The following CAPN6 variants were observed in gnomAD, a reference collection of about 807,000 sequenced individuals.
CAPN6 encodes the protein calpain-6.
In CAPN6, 16 loss-of-function variants were observed where a neutral mutation model predicts 46.0. That is an observed-to-expected ratio of 0.35 (90% CI 0.24 to 0.53). The LOEUF is 0.53. CAPN6 is among the 20% of genes least tolerant of loss of function. The pLI is 0.94. For synonymous variants in CAPN6, 206 were observed against 172.8 expected, an observed-to-expected ratio of 1.19 and a Z score of -1.51; for missense variants, 461 against 498.0, an observed-to-expected ratio of 0.93 and a Z score of 0.71.
At chrX:111,252,047 A>G (rs1011557450) in intron 5 of CAPN6, among the ~76,000 whole-genome samples, 3 of 112,386 alleles carry the variant, frequency 2.7e-5, no homozygotes, top group African/African-American at 9.7e-5. Flanking sequence ...CTAGAAGCAG[A>G]GACAAGAGGA....
chrX:111,267,980 C>G (rs2094993180), intron 1 of CAPN6, among the ~76,000 whole-genome samples: 1 of 112,170 alleles, frequency 8.9e-6, no homozygotes, highest in African/African-American at 3.2e-5. Flanking sequence ...AATACAAATT[C>G]AGCATCCACA....
intron 2 of CAPN6, among the ~76,000 whole-genome samples, chrX:111,259,919 C>T (rs748828888): frequency 4.0e-4 from 44 of 111,106 alleles, no homozygotes; most frequent in Non-Finnish European, 7.4e-4. Context: ...CAGATTTCAG[C>T]CTAAAAATCC....
At chrX:111,253,893 T>C (rs17880284) in intron 3 of CAPN6, among the ~76,000 whole-genome samples, 45 of 112,122 alleles carry the variant, frequency 4.0e-4, no homozygotes, top group Middle Eastern at 9.2e-3. Flanking sequence ...CCTTTTTTGT[T>C]ATTAATATGT....
At chrX:111,268,729 G>T (rs1030796034) in intron 1 of CAPN6, among the ~76,000 whole-genome samples, 1 of 112,496 alleles carries the variant, frequency 8.9e-6, no homozygotes, top group Non-Finnish European at 1.9e-5. Flanking sequence ...TACTTTTCCA[G>T]CCTTTCAAGA....
intron 2 of CAPN6, 82 bp downstream of exon 2, chrX:111,263,690 G>A: frequency 2.3e-6 from 2 of 873,306 alleles, no homozygotes; most frequent in Non-Finnish European, 3.2e-6. Flanking sequence ...CTACACAGTA[G>A]GCTTTGTAAG....
At chrX:111,253,278 T>G in intron 3 of CAPN6, 62 bp from the exon 4 acceptor site, 1 of 904,134 alleles carries the variant, frequency 1.1e-6, no homozygotes, top group Non-Finnish European at 1.6e-6. Flanking sequence ...AAACTGAGAT[T>G]ACAGTTTACT....
At position 111,250,929 on chromosome X, in the gene CAPN6, C is replaced by A; in HGVS notation, c.1146G>T (p.Leu382=). Residue 382 remains leucine, a synonymous_variant, in exon 8 of 13, where the codon CTG becomes CTT. Coordinates refer to ENST00000324068, the MANE Select transcript of CAPN6 (RefSeq NM_014289.4). The stretch of plus-strand genomic sequence containing the variant: ...AATTGACTCAAACCTGGGGATTCTG[C>A]AGGAAGGTATCACGGTTGTTATAGC... ...GGCYNNRDTF[L]QNPQYIFTVP... 8.3e-7 allele frequency: 1 copy of A among 1,209,707 alleles called. No individual in the cohort carries two copies. The highest frequency in any genetic ancestry group is 1.1e-6 in the Non-Finnish European group (1 of 894,378).
intron 2 of CAPN6, among the ~76,000 whole-genome samples, chrX:111,255,810 T>C (rs764674051): frequency 2.6e-4 from 29 of 112,051 alleles, no homozygotes; most frequent in Non-Finnish European, 4.3e-4. Flanking sequence ...CAAAAGGAGA[T>C]GGCTAGATAG....
intron 8 of CAPN6, among the ~76,000 whole-genome samples, chrX:111,249,892 AAGGGAGGGAGGG>A (rs35840656): frequency 2.2e-5 from 2 of 91,199 alleles, no homozygotes; most frequent in Admixed American, 1.2e-4. Flanking sequence ...GGAAGAAAAG[AAGGGAGGGAGGG>A]AGGGAGGGAG....
chrX:111,252,174 T>C, intron 5 of CAPN6, 133 bp downstream of exon 5: 2 of 492,484 alleles, frequency 4.1e-6, no homozygotes, highest in Non-Finnish European at 6.6e-6. Context: ...GGGCAAAATG[T>C]GTATTTTAGC....
Position 111,270,406 on chromosome X carries a change from T to TGCTGCTGCTGCTGCTGCTGCC in CAPN6, c.-72_-52dup. 1.4e-5 allele frequency: 5 copies of TGCTGCTGCTGCTGCTGCTGCC among 351,417 alleles called. 1 individual carries two copies. Among genetic ancestry groups the TGCTGCTGCTGCTGCTGCTGCC allele is most frequent in the South Asian group, 5.2e-5 (2 of 38,694 alleles). 29.0% of individuals were successfully genotyped at this position (351,417 alleles called of 1,213,427 possible). On this transcript the variant is annotated 5_prime_UTR_variant, in exon 1 of 13. Transcript: ENST00000324068. ...CCAGGAGCCCTGCTGCTGCTGCTGCTGCTGCTGCTGCTGCTGCTGCCGTTG... is the reference window on the plus strand; with the variant it reads ...CCAGGAGCCCTGCTGCTGCTGCTGCTGCTGCTGCTGCTGCTGCTGCCGCTGCTGCTGCTGCTGCTGCCGTTG...
chrX:111,265,287 T>G (rs752517228), intron 1 of CAPN6, among the ~76,000 whole-genome samples: 4 of 112,698 alleles, frequency 3.5e-5, no homozygotes, highest in African/African-American at 1.3e-4. Flanking sequence ...CAATTTTTAA[T>G]TTAAATGTTT....
chrX:111,256,794 AAT>A (rs1255339932), intron 2 of CAPN6, among the ~76,000 whole-genome samples: 1 of 110,078 alleles, frequency 9.1e-6, no homozygotes, highest in Admixed American at 9.7e-5. Flanking sequence ...ATGTACATAT[AAT>A]ATATATATTA....
At chrX:111,264,705 T>C (rs1234573462) in intron 1 of CAPN6, among the ~76,000 whole-genome samples, 1 of 94,993 alleles carries the variant, frequency 1.1e-5, no homozygotes, top group Non-Finnish European at 1.9e-5. Context: ...CTTTCTTTTC[T>C]TTAAAAAAAA....
intron 1 of CAPN6, among the ~76,000 whole-genome samples, chrX:111,270,094 A>G (rs929171178): frequency 8.9e-6 from 1 of 111,807 alleles, no homozygotes. Flanking sequence ...GTGTGCACAC[A>G]CACAAAAAAC....
In CAPN6 at chrX:111,251,555, C is replaced by A; in HGVS notation, c.887G>T (p.Ser296Ile). ...LGRQEWSGPWSEISEEWQQLT... is the reference protein window; with the variant it reads ...LGRQEWSGPWIEISEEWQQLT... ...AAAGTGGAATGCAACTCACATTTCACTCCAGGGGCCACTCCATTCCTGTCT... is the reference window on the plus strand; with the variant it reads ...AAAGTGGAATGCAACTCACATTTCAATCCAGGGGCCACTCCATTCCTGTCT... The change falls in exon 6 of 13, where the codon AGT becomes ATT. Residue 296 changes from serine to isoleucine, a missense_variant. By Grantham distance (142) the Ser-to-Ile change is moderately radical. Coordinates refer to ENST00000324068, the MANE Select transcript of CAPN6 (RefSeq NM_014289.4). 8.3e-7 allele frequency: 1 copy of A among 1,203,029 alleles called. No individual in the cohort carries two copies. The highest frequency in any genetic ancestry group is 1.7e-5 in the African/African-American group (1 of 57,563).
Position 111,249,028 on chromosome X carries a change from G to T in CAPN6, c.1188C>A (p.His396Gln). 8.3e-7 allele frequency: 1 copy of T among 1,211,336 alleles called. No homozygotes were observed. Among genetic ancestry groups the T allele is most frequent in the Non-Finnish European group, 1.1e-6 (1 of 895,202 alleles). The change falls in exon 9 of 13, where the codon CAC (histidine) becomes CAA (glutamine). Residue 396 changes from histidine (H) to glutamine (Q), a missense_variant. His to Gln is a conservative substitution (Grantham distance 24, BLOSUM62 0). Transcript: ENST00000324068. ...QYIFTVPEDG[H>Q]KVIMSLQQKD... ...TCTGCTGCAGTGACATAATGACCTTGTGCCCATCCTCAGGCACAGTGAAGA... is the reference window on the plus strand; with the variant it reads ...TCTGCTGCAGTGACATAATGACCTTTTGCCCATCCTCAGGCACAGTGAAGA...
At position 111,253,195 on chromosome X, in the gene CAPN6, G is replaced by C; in HGVS notation, c.319C>G (p.Gln107Glu). The C allele has an allele frequency of 8.3e-7, 1 of 1,203,437 alleles. No homozygotes were observed. The highest frequency in any genetic ancestry group is 1.1e-6 in the Non-Finnish European group (1 of 887,995). ...TCTGTTTTTTGAGGGTCCCATTCCT[G>C]TTCCTTATGGTTGGGAATTGTCTAG... Reference protein sequence around the residue: ...WTKTIPNHKEQEWDPQKTEKY... With the variant: ...WTKTIPNHKEEEWDPQKTEKY... Residue 107 changes from glutamine to glutamate, a missense_variant, in exon 4 of 13, where the codon CAG (glutamine) becomes GAG (glutamate). Gln to Glu is a conservative substitution (Grantham distance 29). Coordinates refer to ENST00000324068, the MANE Select transcript of CAPN6 (RefSeq NM_014289.4).
At chrX:111,257,639 T>G (rs188059126) in intron 2 of CAPN6, among the ~76,000 whole-genome samples, 31 of 112,136 alleles carry the variant, frequency 2.8e-4, no homozygotes, top group Non-Finnish European at 5.4e-4. Context: ...CCCCTAATTT[T>G]GGACACACTG....
Sources: gnomAD v4.1 joint callset for allele counts (sites outside exome capture counted in the v4.1 genomes callset) on GRCh38, gnomAD v4.1.1 for gene constraint, MANE v1.5 for transcripts, NCBI Gene and HGNC (gene_info 2026-07-23, HGNC 2026-07-21) for gene names.